ITPR1: variants seen among roughly 807,000 people sequenced by gnomAD.
The protein encoded by ITPR1 is inositol 1,4,5-trisphosphate-gated calcium channel ITPR1.
Under a neutral mutation model 318.4 loss-of-function variants are expected in ITPR1, and 96 were observed. The observed-to-expected ratio is 0.30, with a 90% CI of 0.26 to 0.36. The LOEUF is 0.36. Among genes scored for constraint, ITPR1 ranks in the 10% least tolerant of loss-of-function variants. The pLI, the probability that ITPR1 is intolerant of heterozygous loss-of-function variation, is 1.00. For missense variants in ITPR1, 2,440 were observed against 3,460.2 expected (o/e 0.71, Z 7.40); for synonymous variants, 1,312 against 1,289.9 (o/e 1.02, Z -0.37).
rs538456639 is a variant in ITPR1, at chr3:4,565,888, A to C, written c.163+44794A>C. 2.6e-5 allele frequency among the ~76,000 whole-genome samples: 4 copies of C among 152,320 alleles called. 1 individual carries two copies. The South Asian group carries it at 8.3e-4, about 32-fold the overall frequency. The stretch of plus-strand genomic sequence containing the variant: ...ACTAAGTATATTAATATCAAAAGTG[A>C]TATTGATGTTTGAGAACATTGGGCT... On this transcript the variant is annotated intron_variant, in intron 4 of 61. Coordinates refer to ENST00000649015, the MANE Select transcript of ITPR1 (RefSeq NM_001378452.1).
intron 60 of ITPR1, among the ~76,000 whole-genome samples, chr3:4,834,090 A>C (rs1477987238): frequency 6.6e-6 from 1 of 151,926 alleles, no homozygotes; most frequent in Non-Finnish European, 1.5e-5. Flanking sequence ...ATGGAGTCTC[A>C]CTCTATTGCC....
rs181413681 is a variant in ITPR1 at position 4,646,975 on chromosome 3, A to G, written c.855+1247A>G. On this transcript the variant is annotated intron_variant, in intron 10 of 61. Coordinates refer to ENST00000649015, the MANE Select transcript of ITPR1 (RefSeq NM_001378452.1). ...GCCCAAGTCAAGAGTATACAACTCA[A>G]TGAATTTTTACGTATACGTTCAGCC... is the stretch of plus-strand genomic sequence containing the variant. Among the ~76,000 whole-genome samples, 4 of 152,268 alleles carry G rather than the reference A, an allele frequency of 2.6e-5. No individual in the cohort carries two copies. In the East Asian group the frequency reaches 5.8e-4, roughly 22 times the overall value.
At chr3:4,549,878 G>A (rs896790016) in intron 4 of ITPR1, among the ~76,000 whole-genome samples, 2 of 152,252 alleles carry the variant, frequency 1.3e-5, no homozygotes, top group African/African-American at 2.4e-5. Flanking sequence ...GGAACCTTTC[G>A]AGGGCAGAAA....
chr3:4,760,564 G>A (rs1230639854), intron 44 of ITPR1, among the ~76,000 whole-genome samples: 1 of 152,172 alleles, frequency 6.6e-6, no homozygotes, highest in African/African-American at 2.4e-5. Context: ...AAACTGAGTG[G>A]CTTAAAGGAA....
At chr3:4,829,965 T>G (rs1285131805) in intron 60 of ITPR1, among the ~76,000 whole-genome samples, 11 of 100,670 alleles carry the variant, frequency 1.1e-4, no homozygotes, top group South Asian at 4.1e-4. Flanking sequence ...TTTTTTTTTT[T>G]TTTTTTTTTT....
intron 4 of ITPR1, among the ~76,000 whole-genome samples, chr3:4,607,975 G>A (rs2091821555): frequency 6.6e-6 from 1 of 152,112 alleles, no homozygotes; most frequent in African/African-American, 2.4e-5. Context: ...TAGCCTGGTA[G>A]CCTCTCATTA....
intron 46 of ITPR1, among the ~76,000 whole-genome samples, chr3:4,774,758 A>G (rs1416898985): frequency 6.6e-6 from 1 of 152,208 alleles, no homozygotes; most frequent in Non-Finnish European, 1.5e-5. Flanking sequence ...CTCCTGCCAC[A>G]TGGCACTGGG....
At chr3:4,740,141 AAG>A (rs1559808411) in intron 44 of ITPR1, among the ~76,000 whole-genome samples, 1 of 152,146 alleles carries the variant, frequency 6.6e-6, no homozygotes, top group East Asian at 1.9e-4. Flanking sequence ...CATGTATAAA[AAG>A]AGAGAATTGT....
At chr3:4,513,254 G>A (rs1249172978) in intron 2 of ITPR1, among the ~76,000 whole-genome samples, 1 of 152,138 alleles carries the variant, frequency 6.6e-6, no homozygotes, top group Non-Finnish European at 1.5e-5. Flanking sequence ...GACTTTCCCG[G>A]CCTTTGTTTT....
chr3:4,803,936 A>G (rs60169953), intron 54 of ITPR1, among the ~76,000 whole-genome samples: 1,842 of 152,268 alleles, frequency 0.012, 52 homozygotes, highest in African/African-American at 0.043. Context: ...CAGTGGTACA[A>G]TCTCGGCTCA....
At chr3:4,532,213 T>A (rs1445412190) in intron 4 of ITPR1, among the ~76,000 whole-genome samples, 1 of 152,168 alleles carries the variant, frequency 6.6e-6, no homozygotes, top group African/African-American at 2.4e-5. Flanking sequence ...TATTAGGAAC[T>A]AAAATGTTTG....
intron 4 of ITPR1, among the ~76,000 whole-genome samples, chr3:4,575,272 A>G (rs2088513023): frequency 6.6e-6 from 1 of 152,216 alleles, no homozygotes; most frequent in African/African-American, 2.4e-5. Flanking sequence ...GGGAGGATAG[A>G]GGAAAACCAG....
intron 60 of ITPR1, chr3:4,825,701 G>A (rs780203988): frequency 1.0e-4 from 47 of 456,166 alleles, no homozygotes; most frequent in South Asian, 4.7e-4. Flanking sequence ...TAATACCTGC[G>A]TGTCACTACC....
chr3:4,615,279 G>T lies in ITPR1; in HGVS notation c.164-12484G>T, dbSNP rs184071057. Among the ~76,000 whole-genome samples, 8 of 152,236 alleles carry T rather than the reference G, an allele frequency of 5.3e-5. No individual in the cohort carries two copies. The East Asian group carries it at 1.5e-3, about 29-fold the overall frequency. ...GCATCTGAACAACTAAGTGTGGGCA[G>T]GTACCTGTGTTCGGGCTACTGGTTG... On this transcript the variant is annotated intron_variant, in intron 4 of 61. Transcript: ENST00000649015.
intron 4 of ITPR1, among the ~76,000 whole-genome samples, chr3:4,595,842 G>T (rs897904143): frequency 6.6e-6 from 1 of 152,164 alleles, no homozygotes; most frequent in Admixed American, 6.5e-5. Flanking sequence ...GTGGTAGCAT[G>T]GCAGTGGCGG....
intron 30 of ITPR1, among the ~76,000 whole-genome samples, chr3:4,686,887 A>G (rs570284725): frequency 1.4e-4 from 21 of 152,368 alleles, no homozygotes; most frequent in Admixed American, 1.2e-3. Flanking sequence ...GTCTGTCCCA[A>G]GCCCTCTGAT....
intron 4 of ITPR1, among the ~76,000 whole-genome samples, chr3:4,563,402 AG>A (rs1032184136): frequency 6.6e-6 from 1 of 152,110 alleles, no homozygotes; most frequent in Non-Finnish European, 1.5e-5. Context: ...CCAGCTACTC[AG>A]GAGGCTGAGG....
chr3:4,508,896 G>T (rs563610488), intron 2 of ITPR1, among the ~76,000 whole-genome samples: 4 of 152,320 alleles, frequency 2.6e-5, no homozygotes, highest in African/African-American at 9.6e-5. Flanking sequence ...CACCTCGTGG[G>T]CTTACAGAGG....
At chr3:4,807,064 A>G (rs951124670) in intron 55 of ITPR1, among the ~76,000 whole-genome samples, 1 of 148,132 alleles carries the variant, frequency 6.8e-6, no homozygotes, top group African/African-American at 2.5e-5. Context: ...GTTGGCTTAC[A>G]AAGAGGGGGA....
Sources: gnomAD v4.1 joint callset for allele counts (sites outside exome capture counted in the v4.1 genomes callset) on GRCh38, gnomAD v4.1.1 for gene constraint, MANE v1.5 for transcripts, NCBI Gene and HGNC (gene_info 2026-07-23, HGNC 2026-07-21) for gene names.